The following ZNF804B variants were observed in gnomAD, a reference collection of about 807,000 sequenced individuals.
ZNF804B encodes the protein zinc finger 804B.
ZNF804B carries 80 observed loss-of-function variants against 101.4 expected under a neutral mutation model. The ratio of observed to expected loss-of-function variants is 0.79; its 90% CI spans 0.66 to 0.95. The LOEUF is 0.95. Among genes scored for constraint, ZNF804B ranks in the 40% least tolerant of loss-of-function variants. The pLI, the probability that ZNF804B is intolerant of heterozygous loss-of-function variation, is 0.00. For synonymous variants in ZNF804B, 622 were observed against 558.8 expected (o/e 1.11, Z -1.59); for missense variants, 1,673 against 1,561.9 (o/e 1.07, Z -1.20).
In ZNF804B at chr7:88,869,375, A is replaced by C. The variant is rs188893294; in HGVS notation, c.108+109291A>C. Among the ~76,000 whole-genome samples the C allele has an allele frequency of 7.9e-5, 12 of 152,218 alleles. 1 individual carries two copies. In the East Asian group the frequency reaches 2.3e-3, roughly 29 times the overall value. On this transcript the variant is annotated intron_variant, in intron 1 of 3. Coordinates refer to ENST00000333190, the MANE Select transcript of ZNF804B (RefSeq NM_181646.5). ...CTCTCAGCAATAACCTATTACTTTTAAAATAAAGGGTGTTTTCTCTGGGCA... is the reference window on the plus strand; with the variant it reads ...CTCTCAGCAATAACCTATTACTTTTCAAATAAAGGGTGTTTTCTCTGGGCA...
intron 2 of ZNF804B, among the ~76,000 whole-genome samples, chr7:89,253,993 T>C (rs564196393): frequency 6.6e-6 from 1 of 152,244 alleles, no homozygotes; most frequent in Non-Finnish European, 1.5e-5. Flanking sequence ...GGAACTCCCC[T>C]AGCATAGTAA....
intron 2 of ZNF804B, among the ~76,000 whole-genome samples, chr7:89,266,442 A>G (rs1789797981): frequency 6.6e-6 from 1 of 152,148 alleles, no homozygotes; most frequent in Non-Finnish European, 1.5e-5. Flanking sequence ...ATATCTAGGT[A>G]GGAACTATAG....
chr7:89,119,582 T>C (rs1790367456), intron 1 of ZNF804B, among the ~76,000 whole-genome samples: 1 of 152,238 alleles, frequency 6.6e-6, no homozygotes, highest in Admixed American at 6.5e-5. Context: ...CCTCTGAGTC[T>C]GATATGCTTT....
intron 1 of ZNF804B, among the ~76,000 whole-genome samples, chr7:89,078,188 T>G (rs1232175815): frequency 6.6e-6 from 1 of 152,098 alleles, no homozygotes; most frequent in African/African-American, 2.4e-5. Context: ...TGAATCTCAG[T>G]GTGATGACTA....
Position 89,336,237 on chromosome 7 carries a change from G to A in ZNF804B, c.3255G>A (p.Val1085=). 2 of 1,613,814 alleles carry A rather than the reference G, an allele frequency of 1.2e-6. No individual in the cohort carries two copies. Among genetic ancestry groups the A allele is most frequent in the South Asian group, 2.2e-5 (2 of 91,074 alleles). Reference sequence around the variant, plus strand: ...TTCCGTCTAATAAATATACTGGTGTGACTGATTCAACAGAGACCCAAGAAG... The same window carrying A: ...TTCCGTCTAATAAATATACTGGTGTAACTGATTCAACAGAGACCCAAGAAG... ...GAFPSNKYTG[V]TDSTETQEDQ... is the part of the protein sequence containing the mutation. The change falls in exon 4 of 4, where the codon GTG becomes GTA. Residue 1085 remains valine, a synonymous_variant. Transcript: ENST00000333190.
rs914736680 is a variant in ZNF804B, at chr7:89,194,105, T to G, written c.109-24050T>G. Among the ~76,000 whole-genome samples, 255 of 151,916 alleles carry G rather than the reference T, an allele frequency of 1.7e-3. 2 individuals carry two copies. Among genetic ancestry groups the G allele is most frequent in the African/African-American group, 5.7e-3 (236 of 41,534 alleles). ...TTCATATGTTTTTTGGCTGCATAAA[T>G]GTCTTCTTTTCAGAAGTGTCTGTTC... is the stretch of plus-strand genomic sequence containing the variant. On this transcript the variant is annotated intron_variant, in intron 1 of 3. Coordinates refer to ENST00000333190, the MANE Select transcript of ZNF804B (RefSeq NM_181646.5).
chr7:89,091,687 C>T (rs1442244251), intron 1 of ZNF804B, among the ~76,000 whole-genome samples: 1 of 152,130 alleles, frequency 6.6e-6, no homozygotes, highest in East Asian at 1.9e-4. Context: ...TTCCACTTTC[C>T]CTTGTGTGGC....
chr7:88,915,085 T>G (rs941393603), intron 1 of ZNF804B, among the ~76,000 whole-genome samples: 5 of 152,134 alleles, frequency 3.3e-5, no homozygotes, highest in African/African-American at 1.2e-4. Context: ...TTAGAAATAT[T>G]ATGTGTATAC....
At chr7:88,778,203 T>G (rs1432389784) in intron 1 of ZNF804B, among the ~76,000 whole-genome samples, 1 of 152,210 alleles carries the variant, frequency 6.6e-6, no homozygotes, top group Non-Finnish European at 1.5e-5. Context: ...GTTCCCTACA[T>G]TCTTAGGCTC....
At chr7:88,784,195 C>T (rs1196243742) in intron 1 of ZNF804B, among the ~76,000 whole-genome samples, 1 of 152,060 alleles carries the variant, frequency 6.6e-6, no homozygotes, top group Non-Finnish European at 1.5e-5. Context: ...ATATAGAACA[C>T]AGGAGACAAT....
At chr7:89,099,295 T>C (rs994754240) in intron 1 of ZNF804B, among the ~76,000 whole-genome samples, 5 of 151,854 alleles carry the variant, frequency 3.3e-5, no homozygotes, top group Non-Finnish European at 5.9e-5. Flanking sequence ...GAAAGGATGA[T>C]CTAAGGACAG....
intron 1 of ZNF804B, among the ~76,000 whole-genome samples, chr7:88,888,479 A>C (rs1355975372): frequency 6.6e-6 from 1 of 152,116 alleles, no homozygotes. Flanking sequence ...ATACTTTTAC[A>C]GTTGGTCTTC....
intron 1 of ZNF804B, among the ~76,000 whole-genome samples, chr7:89,112,839 G>A (rs947668209): frequency 6.6e-6 from 1 of 152,124 alleles, no homozygotes; most frequent in Non-Finnish European, 1.5e-5. Context: ...CCTCAGTTGG[G>A]TATAAACGGA....
intron 1 of ZNF804B, among the ~76,000 whole-genome samples, chr7:88,956,020 T>A (rs1363124978): frequency 6.6e-6 from 1 of 151,432 alleles, no homozygotes; most frequent in Non-Finnish European, 1.5e-5. Flanking sequence ...AAAATGCAAA[T>A]AAACCACAAC....
At chr7:89,109,911 A>C (rs2116350459) in intron 1 of ZNF804B, among the ~76,000 whole-genome samples, 1 of 152,304 alleles carries the variant, frequency 6.6e-6, no homozygotes. Flanking sequence ...ATATGTTGAA[A>C]GTAAATGCAT....
At chr7:89,227,846 G>A (rs2115729438) in intron 2 of ZNF804B, among the ~76,000 whole-genome samples, 1 of 152,218 alleles carries the variant, frequency 6.6e-6, no homozygotes, top group Non-Finnish European at 1.5e-5. Context: ...ATTGTGCAGG[G>A]CATTCCATGA....
intron 2 of ZNF804B, among the ~76,000 whole-genome samples, chr7:89,284,367 T>C (rs1238181248): frequency 1.3e-5 from 2 of 152,176 alleles, no homozygotes; most frequent in African/African-American, 4.8e-5. Flanking sequence ...TGAGTAACCA[T>C]GGGACCCATA....
intron 1 of ZNF804B, among the ~76,000 whole-genome samples, chr7:89,150,903 A>C (rs1436076511): frequency 6.6e-6 from 1 of 152,086 alleles, no homozygotes; most frequent in Admixed American, 6.6e-5. Context: ...ACGAGTTTCT[A>C]CTTCAGTAAT....
intron 1 of ZNF804B, among the ~76,000 whole-genome samples, chr7:89,201,347 C>T (rs1292355010): frequency 6.6e-6 from 1 of 152,002 alleles, no homozygotes; most frequent in East Asian, 1.9e-4. Flanking sequence ...TTTAAAATCA[C>T]TTACTTGTGC....
Sources: allele counts gnomAD v4.1 joint callset (sites outside exome capture counted in the v4.1 genomes callset), GRCh38; gene constraint gnomAD v4.1.1; transcripts MANE v1.5; gene names NCBI Gene and HGNC (gene_info 2026-07-23, HGNC 2026-07-21).